GNL3L: variants seen among roughly 807,000 people sequenced by gnomAD.
GNL3L encodes the protein G protein nucleolar 3 like, also known as guanine nucleotide-binding protein-like 3-like protein.
Under a neutral mutation model 42.9 loss-of-function variants are expected in GNL3L, and 4 were observed. The ratio of observed to expected loss-of-function variants is 0.09; its 90% CI spans 0.05 to 0.21. The LOEUF is 0.21. GNL3L is among the 10% of genes least tolerant of loss of function. The pLI is 1.00. For synonymous variants in GNL3L, 159 were observed against 176.3 expected (o/e 0.90, Z 0.78); for missense variants, 412 against 481.7 (o/e 0.86, Z 1.36).
chrX:54,632,345 A>G, the GNL3L span, among the ~76,000 whole-genome samples: 1 of 110,702 alleles, frequency 9.0e-6, no homozygotes, highest in Non-Finnish European at 1.9e-5. Flanking sequence ...AGTTTTCCTT[A>G]ATTATTCCCC....
Position 54,610,279 on chromosome X carries a change from G to A in GNL3L, c.*46-10566G>A, listed in dbSNP as rs371278144. On this transcript the variant is annotated intron_variant, in intron 16 of 16. Transcript: ENST00000674498. Reference sequence around the variant, plus strand: ...AGTCCTTAGGGTTTTCAAGGTAAACGATCATATCGTCAGCAAACAGTGACA... The same window carrying A: ...AGTCCTTAGGGTTTTCAAGGTAAACAATCATATCGTCAGCAAACAGTGACA... Among the ~76,000 whole-genome samples the A allele has an allele frequency of 1.4e-4, 15 of 111,066 alleles. No individual in the cohort carries two copies. The East Asian group carries it at 2.8e-3, about 21-fold the overall frequency.
downstream of GNL3L, among the ~76,000 whole-genome samples, chrX:54,622,273 A>ATTTTTT (rs773487259): frequency 6.8e-5 from 4 of 59,000 alleles, no homozygotes; most frequent in African/African-American, 3.2e-4. Flanking sequence ...AGTTGCAGGA[A>ATTTTTT]TTTTTTTTTT....
the GNL3L span, among the ~76,000 whole-genome samples, chrX:54,644,683 TC>T: frequency 8.9e-6 from 1 of 112,253 alleles, no homozygotes; most frequent in Non-Finnish European, 1.9e-5. Flanking sequence ...ATATATATCT[TC>T]ATATCTGGTT....
intron 16 of GNL3L, among the ~76,000 whole-genome samples, chrX:54,588,512 A>G (rs1219540791): frequency 8.9e-6 from 1 of 112,225 alleles, no homozygotes; most frequent in Non-Finnish European, 1.9e-5. Flanking sequence ...GACATGGTAG[A>G]TTCCACTGAT....
At chrX:54,535,175 A>G (rs1212392877) in intron 2 of GNL3L, among the ~76,000 whole-genome samples, 3 of 111,535 alleles carry the variant, frequency 2.7e-5, no homozygotes, top group Non-Finnish European at 5.6e-5. Flanking sequence ...CTGGAGTGCA[A>G]TGGCGCGATC....
At chrX:54,568,722 G>T (rs7884961), downstream of GNL3L, among the ~76,000 whole-genome samples, 38,905 of 109,653 alleles carry the variant, frequency 0.35, 8,448 homozygotes, top group African/African-American at 0.8. Flanking sequence ...CCCGGCTAAT[G>T]TTTTGTATTT....
chrX:54,563,702 C>CTTGAGCCCAGGAGGTCGATGCTGCA lies in GNL3L; in HGVS notation c.*3108_*3132dup, dbSNP rs765632036. 0.025 allele frequency among the ~76,000 whole-genome samples: 2,721 copies of CTTGAGCCCAGGAGGTCGATGCTGCA among 109,546 alleles called. 99 individuals are homozygous for CTTGAGCCCAGGAGGTCGATGCTGCA. The highest frequency in any genetic ancestry group is 0.088 in the African/African-American group (2,607 of 29,788). On this transcript the variant is annotated 3_prime_UTR_variant, in exon 16 of 16. Coordinates refer to ENST00000360845, the MANE Select transcript of GNL3L (RefSeq NM_001184819.2). ...CTATGGGGCTGAGGCAGGAGGATCTCTTGAGCCCAGGAGGTCGATGCTGCA... is the reference window on the plus strand; with the variant it reads ...CTATGGGGCTGAGGCAGGAGGATCTCTTGAGCCCAGGAGGTCGATGCTGCATTGAGCCCAGGAGGTCGATGCTGCA...
At chrX:54,637,308 T>C in the GNL3L span, among the ~76,000 whole-genome samples, 6 of 112,057 alleles carry the variant, frequency 5.4e-5, no homozygotes, top group Non-Finnish European at 1.1e-4. Flanking sequence ...TTGGTAATTG[T>C]CTGTTTCTCT....
At chrX:54,613,869 T>A (rs1238090287) in intron 16 of GNL3L, among the ~76,000 whole-genome samples, 3 of 110,145 alleles carry the variant, frequency 2.7e-5, no homozygotes, top group Non-Finnish European at 5.7e-5. Flanking sequence ...TTAGCTTTGT[T>A]GGTTTAATGC....
At chrX:54,576,436 T>G (rs1925635575) in intron 16 of GNL3L, among the ~76,000 whole-genome samples, 1 of 111,926 alleles carries the variant, frequency 8.9e-6, no homozygotes, top group African/African-American at 3.2e-5. Flanking sequence ...TTGAACTTGC[T>G]TGTCACAGTC....
chrX:54,574,232 G>A (rs1925603160), intron 16 of GNL3L, among the ~76,000 whole-genome samples: 1 of 111,650 alleles, frequency 9.0e-6, no homozygotes, highest in South Asian at 3.7e-4. Context: ...GGAAAATACC[G>A]AGTCTCTTAC....
intron 16 of GNL3L, among the ~76,000 whole-genome samples, chrX:54,603,117 G>GT (rs1240878911): frequency 3.6e-5 from 4 of 111,715 alleles, no homozygotes; most frequent in Admixed American, 9.6e-5. Context: ...TCAAATAACT[G>GT]TAAGCTATGA....
intron 16 of GNL3L, among the ~76,000 whole-genome samples, chrX:54,604,510 A>G (rs1368113770): frequency 1.8e-5 from 2 of 111,009 alleles, no homozygotes; most frequent in Non-Finnish European, 3.8e-5. Context: ...CAGTTATGCA[A>G]AGGTCTAGGG....
At position 54,607,082 on chromosome X, in the gene GNL3L, CTTCTTTCTTTCT is replaced by C. The variant is rs751343853; in HGVS notation, c.*46-13716_*46-13705del. On this transcript the variant is annotated intron_variant, in intron 16 of 16. Transcript: ENST00000674498. The stretch of plus-strand genomic sequence containing the variant: ...TTTCTTTCTTTCTTTCTCTTTCTTT[CTTCTTTCTTTCT>C]TTCTTTCTTTCTTTCTTTCTTTCTT... 5.9e-3 allele frequency among the ~76,000 whole-genome samples: 130 copies of C among 21,990 alleles called. 3 individuals are homozygous for C. The highest frequency in any genetic ancestry group is 0.019 in the Middle Eastern group (1 of 54). The allele number at this position is 21,990 out of a possible 115,157, so 19.1% of individuals were successfully genotyped here. A position where few individuals can be genotyped will look rare whatever the true frequency, so the allele number is the denominator to read the frequency against.
chrX:54,576,348 A>C (rs1925634351), intron 16 of GNL3L, among the ~76,000 whole-genome samples: 1 of 112,238 alleles, frequency 8.9e-6, no homozygotes, highest in Non-Finnish European at 1.9e-5. Flanking sequence ...GCCTCTTCTT[A>C]GAATGGTATA....
chrX:54,583,278 C>T (rs1462127654), intron 16 of GNL3L, among the ~76,000 whole-genome samples: 3 of 110,325 alleles, frequency 2.7e-5, no homozygotes, highest in Admixed American at 9.7e-5. Flanking sequence ...CTGCAACCTC[C>T]GCCTCCTGGG....
downstream of GNL3L, among the ~76,000 whole-genome samples, chrX:54,622,517 TC>T (rs1193549046): frequency 9.1e-6 from 1 of 109,527 alleles, no homozygotes; most frequent in Non-Finnish European, 1.9e-5. Context: ...ACTCCTGACC[TC>T]AGGTGATCCG....
intron 16 of GNL3L, among the ~76,000 whole-genome samples, chrX:54,579,430 C>T (rs1047273148): frequency 2.7e-5 from 3 of 112,164 alleles, no homozygotes; most frequent in Non-Finnish European, 5.6e-5. Context: ...GAGACAGTGT[C>T]TTGCTTTGCC....
chrX:54,594,554 T>TAAAAA (rs556879366), intron 16 of GNL3L, among the ~76,000 whole-genome samples: 4 of 104,847 alleles, frequency 3.8e-5, no homozygotes, highest in African/African-American at 1.1e-4. Context: ...TTTTTTTTTT[T>TAAAAA]AAAAAAAAAT....
Sources: gnomAD v4.1 joint callset for allele counts (sites outside exome capture counted in the v4.1 genomes callset) on GRCh38, gnomAD v4.1.1 for gene constraint, MANE v1.5 for transcripts, NCBI Gene and HGNC (gene_info 2026-07-23, HGNC 2026-07-21) for gene names.